Variants in CMC1 observed in about 807,000 individuals in gnomAD.
CMC1 encodes the protein COX assembly mitochondrial protein homolog.
CMC1 carries 14 observed loss-of-function variants against 14.1 expected under a neutral mutation model. That is an observed-to-expected ratio of 0.99 (90% CI 0.66 to 1.55). The LOEUF (loss-of-function observed/expected upper bound fraction) is 1.55. Ranked by LOEUF, CMC1 falls within the 40% of genes most tolerant of loss-of-function variation. CMC1 has a pLI of 0.00. For missense variants in CMC1, 127 were observed against 123.8 expected (o/e 1.03, Z -0.12); for synonymous variants, 50 against 38.4 (o/e 1.30, Z -1.12).
intron 2 of CMC1, among the ~76,000 whole-genome samples, chr3:28,282,658 A>G (rs1280178167): frequency 6.6e-6 from 1 of 152,196 alleles, no homozygotes; most frequent in East Asian, 1.9e-4. Context: ...TCACATTGTC[A>G]GGCTGCTTTT....
At chr3:28,258,290 A>G (rs1364684332) in intron 1 of CMC1, among the ~76,000 whole-genome samples, 2 of 151,480 alleles carry the variant, frequency 1.3e-5, no homozygotes, top group Non-Finnish European at 2.9e-5. Context: ...TGATAAACAA[A>G]TGATTTCATA....
chr3:28,288,184 A>C (rs1047409774), intron 2 of CMC1, among the ~76,000 whole-genome samples: 15 of 152,108 alleles, frequency 9.9e-5, no homozygotes, highest in African/African-American at 1.4e-4. Flanking sequence ...CCTGTGTAAA[A>C]TGAAACATGA....
At chr3:28,269,121 T>A (rs950790743) in intron 2 of CMC1, among the ~76,000 whole-genome samples, 1 of 152,212 alleles carries the variant, frequency 6.6e-6, no homozygotes, top group African/African-American at 2.4e-5. Flanking sequence ...GGGGTATGTA[T>A]GTAGAGGAAA....
At chr3:28,289,765 A>T (rs1464413974) in intron 2 of CMC1, among the ~76,000 whole-genome samples, 1 of 152,116 alleles carries the variant, frequency 6.6e-6, no homozygotes, top group Non-Finnish European at 1.5e-5. Context: ...GGGGAAAACA[A>T]CATCATGCTT....
intron 1 of CMC1, among the ~76,000 whole-genome samples, chr3:28,262,322 A>G (rs1040477044): frequency 6.6e-6 from 1 of 152,054 alleles, no homozygotes; most frequent in African/African-American, 2.4e-5. Context: ...GCCTCAGTAT[A>G]TTTATTATAC....
intron 3 of CMC1, chr3:28,319,011 A>G (rs143034478): frequency 3.4e-6 from 1 of 290,714 alleles, no homozygotes; most frequent in South Asian, 3.0e-5. Flanking sequence ...TCCTATGTGC[A>G]TAATCTGCTA....
At chr3:28,274,561 A>T (rs1364513651) in intron 2 of CMC1, among the ~76,000 whole-genome samples, 3 of 151,386 alleles carry the variant, frequency 2.0e-5, no homozygotes, top group African/African-American at 4.9e-5. Context: ...CTTCCTTTCA[A>T]CCTTGGAGAA....
Position 28,320,473 on chromosome 3 carries a change from A to G in CMC1, c.*844A>G, listed in dbSNP as rs1227234085. The G allele has an allele frequency of 6.6e-6, 1 of 151,528 alleles. No individual in the cohort carries two copies. The highest frequency in any genetic ancestry group is 1.5e-5 in the Non-Finnish European group (1 of 67,654). The allele number at this position is 151,528 out of a possible 1,614,324, so 9.4% of individuals were successfully genotyped here. On this transcript the variant is annotated 3_prime_UTR_variant, in exon 4 of 4. Transcript: ENST00000466830. ...TAATAATGGCATAAATCCATTCACG[A>G]GGGCTCCAGCCTCATCACCCTATTA... is the stretch of plus-strand genomic sequence containing the variant.
intron 1 of CMC1, among the ~76,000 whole-genome samples, chr3:28,256,140 C>CAT (rs1230095102): frequency 9.3e-5 from 14 of 151,088 alleles, no homozygotes; most frequent in South Asian, 4.2e-4. Context: ...GGAGAAAAAA[C>CAT]ATATATATAT....
intron 2 of CMC1, among the ~76,000 whole-genome samples, chr3:28,281,154 C>G (rs537570598): frequency 1.3e-5 from 2 of 152,324 alleles, no homozygotes; most frequent in East Asian, 3.9e-4. Flanking sequence ...TGAATACTTA[C>G]CATGTATCCA....
intron 1 of CMC1, chr3:28,253,642 CAAAG>C (rs1699251246): frequency 8.5e-6 from 6 of 708,604 alleles, no homozygotes; most frequent in East Asian, 7.7e-5. Flanking sequence ...GCTAAACAAA[CAAAG>C]AAGAGGGATC....
In CMC1 at chr3:28,279,366, A is replaced by G. The variant is rs146672759; in HGVS notation, c.109+15986A>G. ...TAAATGAAAAAGAAAAAAATTATTCAGAAAAAACAGAACCCAAACTTTCTA... is the reference window on the plus strand; with the variant it reads ...TAAATGAAAAAGAAAAAAATTATTCGGAAAAAACAGAACCCAAACTTTCTA... On this transcript the variant is annotated intron_variant, in intron 2 of 3. Coordinates refer to ENST00000466830, the MANE Select transcript of CMC1 (RefSeq NM_182523.2). Among the ~76,000 whole-genome samples, 773 of 152,344 alleles carry G rather than the reference A, an allele frequency of 5.1e-3. 6 individuals carry two copies. Among genetic ancestry groups the G allele is most frequent in the African/African-American group, 0.017 (713 of 41,588 alleles).
At chr3:28,300,938 A>G (rs1307179115) in intron 2 of CMC1, among the ~76,000 whole-genome samples, 1 of 107,906 alleles carries the variant, frequency 9.3e-6, no homozygotes, top group African/African-American at 3.6e-5. Context: ...GTACACATGC[A>G]CACCCCCCAA....
intron 2 of CMC1, among the ~76,000 whole-genome samples, chr3:28,286,493 T>A (rs1701187542): frequency 6.6e-6 from 1 of 152,236 alleles, no homozygotes; most frequent in Admixed American, 6.5e-5. Context: ...CTTTCTTATC[T>A]GCTACATGAT....
chr3:28,245,648 G>T (rs535137766), intron 1 of CMC1, among the ~76,000 whole-genome samples: 3 of 152,270 alleles, frequency 2.0e-5, no homozygotes, highest in East Asian at 1.9e-4. Context: ...TAGGGCTTAG[G>T]GGGTGGAAAG....
chr3:28,298,120 A>G (rs1701838652), intron 2 of CMC1: 1 of 151,566 alleles, frequency 6.6e-6, no homozygotes, highest in African/African-American at 2.4e-5. Context: ...GCCTGAGTCT[A>G]CAGGACTCTA....
At chr3:28,252,502 A>G (rs1042302713) in intron 1 of CMC1, among the ~76,000 whole-genome samples, 1 of 152,204 alleles carries the variant, frequency 6.6e-6, no homozygotes, top group African/African-American at 2.4e-5. Flanking sequence ...CCTTGCTTTT[A>G]AAAATATTTT....
Position 28,319,188 on chromosome 3 carries a change from G to A in CMC1, c.201-321G>A, listed in dbSNP as rs17021360. 6.2e-3 allele frequency: 2,843 copies of A among 459,740 alleles called. 66 individuals carry two copies. Among genetic ancestry groups the A allele is most frequent in the African/African-American group, 0.05 (2,526 of 50,238 alleles). 28.5% of individuals were successfully genotyped at this position (459,740 alleles called of 1,614,324 possible). On this transcript the variant is annotated intron_variant, in intron 3 of 3. Coordinates refer to ENST00000466830, the MANE Select transcript of CMC1 (RefSeq NM_182523.2). ...CCCATTTCTTCCTTGTTTCCATGGTGCACTGGGCCATACCTCTGTCACAGT... is the reference window on the plus strand; with the variant it reads ...CCCATTTCTTCCTTGTTTCCATGGTACACTGGGCCATACCTCTGTCACAGT...
intron 1 of CMC1, among the ~76,000 whole-genome samples, chr3:28,243,487 A>G (rs1247005432): frequency 1.3e-5 from 2 of 152,212 alleles, no homozygotes; most frequent in Admixed American, 6.5e-5. Flanking sequence ...ATTTGGGAAA[A>G]AAGTCTTCAT....
Sources: gnomAD v4.1 joint callset for allele counts (sites outside exome capture counted in the v4.1 genomes callset) on GRCh38, gnomAD v4.1.1 for gene constraint, MANE v1.5 for transcripts, NCBI Gene and HGNC (gene_info 2026-07-23, HGNC 2026-07-21) for gene names.